The following COLEC12 variants were observed in gnomAD, a reference collection of about 807,000 sequenced individuals.
COLEC12 encodes the protein collectin-12.
Under a neutral mutation model 71.1 loss-of-function variants are expected in COLEC12, and 33 were observed. The ratio of observed to expected loss-of-function variants is 0.46; its 90% CI spans 0.35 to 0.62. The LOEUF (loss-of-function observed/expected upper bound fraction) is 0.62, where lower values mean the gene tolerates loss of function less well. Among genes scored for constraint, COLEC12 ranks in the 20% least tolerant of loss-of-function variants. The probability of loss-of-function intolerance (pLI) is 0.00; values close to 1 mark genes in which losing one functional copy is unlikely to be tolerated. For synonymous variants in COLEC12, 350 were observed against 353.0 expected (o/e 0.99, Z 0.10); for missense variants, 765 against 916.1 (o/e 0.84, Z 2.13).
chr18:369,548 A>T (rs991592734), intron 2 of COLEC12, among the ~76,000 whole-genome samples: 1 of 151,824 alleles, frequency 6.6e-6, no homozygotes, highest in African/African-American at 2.4e-5. Context: ...CGCTGCACCC[A>T]CTAACGTGTC....
In COLEC12 at chr18:333,132, G is replaced by T. The variant is rs746832000; in HGVS notation, c.1828C>A (p.His610Asn). 1 of 1,603,488 alleles carries T rather than the reference G, an allele frequency of 6.2e-7. No individual in the cohort carries two copies. Among genetic ancestry groups the T allele is most frequent in the Non-Finnish European group, 8.5e-7 (1 of 1,176,962 alleles). The change falls in exon 7 of 10, where the codon CAC becomes AAC. Residue 610 changes from histidine to asparagine, a missense_variant. His to Asn is a moderately conservative substitution (Grantham distance 68). Coordinates refer to ENST00000400256, the MANE Select transcript of COLEC12 (RefSeq NM_130386.3). Reference sequence around the variant, plus strand: ...CATTTGTCTGTGAAGTTCTTCCAGTGAGGCGGGCAGCCTAGGAATGCAAAA... The same window carrying T: ...CATTTGTCTGTGAAGTTCTTCCAGTTAGGCGGGCAGCCTAGGAATGCAAAA... ...PAPEDNGCPP[H>N]WKNFTDKCYY...
chr18:333,192 C>T, intron 6 of COLEC12, 49 bp from the exon 7 acceptor site: 1 of 1,509,786 alleles, frequency 6.6e-7, no homozygotes, highest in Non-Finnish European at 9.0e-7. Flanking sequence ...ACAGAAAGCA[C>T]TCTGCCTTTC....
At chr18:347,570 T>C (rs1450256219) in intron 4 of COLEC12, among the ~76,000 whole-genome samples, 1 of 152,174 alleles carries the variant, frequency 6.6e-6, no homozygotes, top group Non-Finnish European at 1.5e-5. Context: ...TGAACATTTT[T>C]CTCAAAGAGG....
intron 2 of COLEC12, among the ~76,000 whole-genome samples, chr18:391,169 T>G (rs574311962): frequency 6.6e-6 from 1 of 152,326 alleles, no homozygotes; most frequent in East Asian, 1.9e-4. Flanking sequence ...GCTATTGGTG[T>G]GTAGCTTCCT....
rs199862137 is a variant in COLEC12, at chr18:347,086, G to T, written c.536C>A (p.Thr179Lys). 142 of 1,614,032 alleles carry T rather than the reference G, an allele frequency of 8.8e-5. 1 individual carries two copies. The highest frequency in any genetic ancestry group is 1.1e-4 in the Non-Finnish European group (135 of 1,180,038). ...KTLQAYNGYV[T>K]NLQQDTSVLQ... is the part of the protein sequence containing the mutation. ...CACGCTGGTATCTTGCTGCAGATTC[G>T]TGACATAGCCATTATACGCCTGGAG... Residue 179 changes from threonine to lysine, a missense_variant, in exon 5 of 10, where the codon ACG becomes AAG. Coordinates refer to ENST00000400256, the MANE Select transcript of COLEC12 (RefSeq NM_130386.3).
intron 2 of COLEC12, among the ~76,000 whole-genome samples, chr18:431,988 G>GC (rs957036170): frequency 2.0e-5 from 3 of 152,060 alleles, no homozygotes; most frequent in Admixed American, 6.6e-5. Context: ...CTGTCACAAA[G>GC]CCCCCCACAC....
At chr18:363,033 AG>A (rs942230701) in intron 2 of COLEC12, among the ~76,000 whole-genome samples, 1 of 151,596 alleles carries the variant, frequency 6.6e-6, no homozygotes, top group African/African-American at 2.4e-5. Context: ...AGAAGCTGGC[AG>A]GGGGGGAATG....
intron 2 of COLEC12, among the ~76,000 whole-genome samples, chr18:395,924 A>G (rs542849777): frequency 1.3e-5 from 2 of 152,188 alleles, no homozygotes; most frequent in South Asian, 2.1e-4. Flanking sequence ...TTCAAAGCAC[A>G]TGTTTATTCC....
At chr18:434,036 GAGAAA>G (rs999928329) in intron 2 of COLEC12, among the ~76,000 whole-genome samples, 6 of 150,862 alleles carry the variant, frequency 4.0e-5, no homozygotes, top group South Asian at 2.1e-4. Context: ...AATTAAGAGA[GAGAAA>G]AGAGAAGAGA....
intron 2 of COLEC12, among the ~76,000 whole-genome samples, chr18:454,112 T>A (rs534847054): frequency 6.6e-6 from 1 of 151,998 alleles, no homozygotes; most frequent in African/African-American, 2.4e-5. Context: ...TTCCATAGAC[T>A]CCAAAGCCCT....
chr18:465,822 C>G (rs1447493615), intron 2 of COLEC12, among the ~76,000 whole-genome samples: 1 of 152,180 alleles, frequency 6.6e-6, no homozygotes, highest in Non-Finnish European at 1.5e-5. Flanking sequence ...CCTGTAATCC[C>G]AGCACTTTGG....
chr18:342,576 C>T (rs1325313079), intron 5 of COLEC12, among the ~76,000 whole-genome samples: 1 of 152,226 alleles, frequency 6.6e-6, no homozygotes, highest in Non-Finnish European at 1.5e-5. Context: ...CCTTCATCCT[C>T]TGGGATGAGA....
rs1914551413 is a variant in COLEC12 at position 352,742 on chromosome 18, C to T, written c.182-4579G>A. On this transcript the variant is annotated intron_variant, in intron 3 of 9. Coordinates refer to ENST00000400256, the MANE Select transcript of COLEC12 (RefSeq NM_130386.3). ...AGAACTTACCCTTGCTGTAACAGCA[C>T]ACAGCACTTTCATTGACTTTTATTC... Among the ~76,000 whole-genome samples, 3 of 152,214 alleles carry T rather than the reference C, an allele frequency of 2.0e-5. No individual in the cohort carries two copies. The South Asian group carries it at 6.2e-4, about 32-fold the overall frequency.
In COLEC12 at chr18:399,118, A is replaced by G. The variant is rs1012223485; in HGVS notation, c.59-41596T>C. ...ACTGGGCTACTCTGTCAGCAGCTCA[A>G]GGAACTGTTTAAAAAGCAAAGGAAC... is the stretch of plus-strand genomic sequence containing the variant. On this transcript the variant is annotated intron_variant, in intron 2 of 9. Coordinates refer to ENST00000400256, the MANE Select transcript of COLEC12 (RefSeq NM_130386.3). This position sits in a 1 kb window ranked among gnomAD's most constrained non-coding sequence, Gnocchi z 4.0. Among the ~76,000 whole-genome samples, 4 of 152,368 alleles carry G rather than the reference A, an allele frequency of 2.6e-5. No individual in the cohort carries two copies. In the South Asian group the frequency reaches 6.2e-4, roughly 24 times the overall value.
chr18:376,088 A>G (rs1915107213), intron 2 of COLEC12, among the ~76,000 whole-genome samples: 2 of 152,170 alleles, frequency 1.3e-5, no homozygotes, highest in South Asian at 2.1e-4. Context: ...CATTCCGTGC[A>G]CTAATTTCCC....
intron 2 of COLEC12, among the ~76,000 whole-genome samples, chr18:456,373 G>A (rs1294163146): frequency 2.0e-5 from 3 of 152,132 alleles, no homozygotes; most frequent in Non-Finnish European, 4.4e-5. Context: ...GGGGAGTTAG[G>A]GCCAATCATG....
At chr18:436,383 T>C (rs951493640) in intron 2 of COLEC12, among the ~76,000 whole-genome samples, 3 of 151,410 alleles carry the variant, frequency 2.0e-5, no homozygotes, top group African/African-American at 7.3e-5. Flanking sequence ...TGGTGGCGGG[T>C]ACATGTAATT....
chr18:459,031 G>T (rs1916927083), intron 2 of COLEC12, among the ~76,000 whole-genome samples: 1 of 152,150 alleles, frequency 6.6e-6, no homozygotes, highest in Non-Finnish European at 1.5e-5. Flanking sequence ...GATGGGGACT[G>T]GGGGCTGGGA....
intron 2 of COLEC12, among the ~76,000 whole-genome samples, chr18:411,924 C>T (rs1368294211): frequency 6.6e-6 from 1 of 151,954 alleles, no homozygotes; most frequent in Non-Finnish European, 1.5e-5. Context: ...AATAACAGAG[C>T]GAATATAGAT....
Sources: allele counts gnomAD v4.1 joint callset (sites outside exome capture counted in the v4.1 genomes callset), GRCh38; gene constraint gnomAD v4.1.1; non-coding constraint Gnocchi (gnomAD v3.1); transcripts MANE v1.5; gene names NCBI Gene and HGNC (gene_info 2026-07-23, HGNC 2026-07-21).